Variants in RPP30 observed in about 807,000 individuals in gnomAD.
RPP30 encodes the protein ribonuclease P/MRP subunit p30.
A neutral mutation model predicts 38.6 loss-of-function variants in RPP30; 36 were observed. That is an observed-to-expected ratio of 0.93 (90% CI 0.71 to 1.23). The LOEUF is 1.23. RPP30 is among the 50% of genes most tolerant of loss of function. RPP30 has a pLI of 0.00. For synonymous variants in RPP30, 126 were observed against 112.7 expected (o/e 1.12, Z -0.75); for missense variants, 321 against 321.7 (o/e 1.00, Z 0.02).
At chr10:90,895,951 G>A (rs1165073394) in intron 9 of RPP30, 34 bp downstream of exon 9, 1 of 1,544,900 alleles carries the variant, frequency 6.5e-7, no homozygotes, top group African/African-American at 1.4e-5. Flanking sequence ...TGTTGACATT[G>A]TCTTTCAGGA....
downstream of RPP30, among the ~76,000 whole-genome samples, chr10:90,907,001 T>G (rs1056695599): frequency 2.0e-5 from 3 of 152,220 alleles, no homozygotes; most frequent in Admixed American, 6.5e-5. Context: ...AACTAAGAGT[T>G]GTCTTAATTC....
chr10:90,888,588 T>G (rs1160472108), intron 6 of RPP30, among the ~76,000 whole-genome samples: 2 of 152,260 alleles, frequency 1.3e-5, no homozygotes, highest in African/African-American at 4.8e-5. Context: ...GGCCAAATTC[T>G]GCTCGTTGTT....
In RPP30 at chr10:90,887,284, G is replaced by GT. The variant is rs566909151; in HGVS notation, c.432+1386dup. On this transcript the variant is annotated intron_variant, in intron 6 of 10. Transcript: ENST00000371703. Reference sequence around the variant, plus strand: ...TGCCTGACCCACCCAATGGGGAAAAGTTTAAGTTAGCTTATGTTCTACCCC... The same window carrying GT: ...TGCCTGACCCACCCAATGGGGAAAAGTTTTAAGTTAGCTTATGTTCTACCCC... 2.2e-3 allele frequency among the ~76,000 whole-genome samples: 335 copies of GT among 151,974 alleles called. 1 individual carries two copies. The highest frequency in any genetic ancestry group is 0.01 in the Middle Eastern group (3 of 294).
chr10:90,895,783 T>A (rs1847132476), intron 8 of RPP30, 97 bp from the exon 9 acceptor site: 2 of 891,434 alleles, frequency 2.2e-6, no homozygotes, highest in Non-Finnish European at 3.4e-6. Context: ...GTAATTTTTT[T>A]ATTTTTGGAT....
chr10:90,902,093 G>T lies in RPP30; in HGVS notation c.*1414G>T, dbSNP rs980832695. Reference sequence around the variant, plus strand: ...ATTACAGGCGTTAGCCACTGCGCCCGGCCCGAGAAAATACAGTTTTAAAAA... The same window carrying T: ...ATTACAGGCGTTAGCCACTGCGCCCTGCCCGAGAAAATACAGTTTTAAAAA... On this transcript the variant is annotated 3_prime_UTR_variant, in exon 11 of 11. Transcript: ENST00000371703. 2.5e-5 allele frequency: 25 copies of T among 987,248 alleles called. No homozygotes were observed. In the African/African-American group the frequency reaches 4.4e-4, roughly 17 times the overall value. 61.2% of individuals were successfully genotyped at this position (987,248 alleles called of 1,614,324 possible).
chr10:90,877,493 A>G (rs772596945), intron 4 of RPP30, among the ~76,000 whole-genome samples: 2 of 152,056 alleles, frequency 1.3e-5, no homozygotes, highest in African/African-American at 2.4e-5. Context: ...ATGAAAGAGG[A>G]TGAGCTAGGA....
intron 10 of RPP30, 44 bp downstream of exon 10, chr10:90,896,436 G>A: frequency 2.0e-6 from 3 of 1,519,420 alleles, no homozygotes; most frequent in Non-Finnish European, 2.7e-6. Flanking sequence ...CATGTTAAAA[G>A]CAAGTCATTT....
intron 6 of RPP30, 43 bp from the exon 7 acceptor site, chr10:90,894,732 A>G: frequency 2.3e-6 from 3 of 1,320,482 alleles, no homozygotes; most frequent in Non-Finnish European, 3.3e-6. Flanking sequence ...GAAGTAGGCC[A>G]GTGCATGCTT....
Position 90,894,879 on chromosome 10 carries a change from C to A in RPP30, c.537C>A (p.Ile179=). 6.2e-7 allele frequency: 1 copy of A among 1,604,086 alleles called. No individual in the cohort carries two copies. The highest frequency in any genetic ancestry group is 1.1e-5 in the South Asian group (1 of 90,870). The part of the protein sequence containing the change: ...TISSALNLMQ[I]CKGKNVIISS... ...CCAGTGCCCTCAATTTGATGCAAAT[C>A]TGCAAAGGAAAGGTATGGTTCTATA... The change falls in exon 7 of 11, where the codon ATC becomes ATA. Residue 179 remains isoleucine, a synonymous_variant. Transcript: ENST00000371703.
At position 90,901,630 on chromosome 10, in the gene RPP30, C is replaced by T. The variant is rs766979301; in HGVS notation, c.*951C>T. On this transcript the variant is annotated 3_prime_UTR_variant, in exon 11 of 11. Coordinates refer to ENST00000371703, the MANE Select transcript of RPP30 (RefSeq NM_006413.5). The stretch of plus-strand genomic sequence containing the variant: ...AAAATAGCAAAGCATCGGACTGAAC[C>T]AACTTTGGAAATAATTTATTTTTAT... 7 of 984,736 alleles carry T rather than the reference C, an allele frequency of 7.1e-6. No homozygotes were observed. Among genetic ancestry groups the T allele is most frequent in the African/African-American group, 1.7e-5 (1 of 57,154 alleles). The allele number at this position is 984,736 out of a possible 1,614,324, so 61.0% of individuals were successfully genotyped here.
At chr10:90,886,620 ATTTGC>A (rs895034355) in intron 6 of RPP30, among the ~76,000 whole-genome samples, 14 of 152,124 alleles carry the variant, frequency 9.2e-5, no homozygotes, top group African/African-American at 3.4e-4. Context: ...GCTGTTAACT[ATTTGC>A]TTTGCCAGTC....
At position 90,900,569 on chromosome 10, in the gene RPP30, G is replaced by A; in HGVS notation, c.698-1G>A. On this transcript the variant is annotated splice_acceptor_variant, in intron 10 of 10. Coordinates refer to ENST00000371703, the MANE Select transcript of RPP30 (RefSeq NM_006413.5). LOFTEE classifies it high-confidence loss of function. Reference sequence around the variant, plus strand: ...CAGTGGTTTCCCTGTTTGTTTTACAGAAACTAGAAAAACTGCTTTTGGAAT... The same window carrying A: ...CAGTGGTTTCCCTGTTTGTTTTACAAAAACTAGAAAAACTGCTTTTGGAAT... 6.2e-7 allele frequency: 1 copy of A among 1,609,248 alleles called. No homozygotes were observed. The highest frequency in any genetic ancestry group is 8.5e-7 in the Non-Finnish European group (1 of 1,178,282).
At chr10:90,881,228 T>C (rs986063683) in intron 5 of RPP30, among the ~76,000 whole-genome samples, 2 of 152,240 alleles carry the variant, frequency 1.3e-5, no homozygotes, top group African/African-American at 4.8e-5. Flanking sequence ...CTTTAACTTT[T>C]ACGACAATCC....
At chr10:90,872,279 C>T (rs549572234) in intron 1 of RPP30, 42 of 585,878 alleles carry the variant, frequency 7.2e-5, no homozygotes, top group Middle Eastern at 3.4e-4. Context: ...CAGCTACTTT[C>T]CTGCAATGAG....
chr10:90,893,634 C>T (rs1847107227), intron 6 of RPP30, among the ~76,000 whole-genome samples: 1 of 152,198 alleles, frequency 6.6e-6, no homozygotes, highest in Admixed American at 6.5e-5. Flanking sequence ...TTTGACCTTC[C>T]CTACGTGCTG....
chr10:90,887,168 A>G (rs1401404159), intron 6 of RPP30, among the ~76,000 whole-genome samples: 2 of 151,662 alleles, frequency 1.3e-5, no homozygotes, highest in Non-Finnish European at 2.9e-5. Context: ...AGGTCTCACC[A>G]TGTTTCCCAG....
chr10:90,885,609 G>A (rs1846989994), intron 5 of RPP30, among the ~76,000 whole-genome samples: 1 of 152,184 alleles, frequency 6.6e-6, no homozygotes, highest in African/African-American at 2.4e-5. Flanking sequence ...TTCCGCTTTT[G>A]CTGGATTACA....
rs552942882 is a variant in RPP30, at chr10:90,890,258, G to A, written c.432+4357G>A. Among the ~76,000 whole-genome samples, 3 of 152,306 alleles carry A rather than the reference G, an allele frequency of 2.0e-5. No individual in the cohort carries two copies. In the South Asian group the frequency reaches 6.2e-4, roughly 32 times the overall value. Reference sequence around the variant, plus strand: ...AGTAATTTCATATTTTAAAACATGAGCTTTATGAATTCAGGTTGTGAGAAG... The same window carrying A: ...AGTAATTTCATATTTTAAAACATGAACTTTATGAATTCAGGTTGTGAGAAG... On this transcript the variant is annotated intron_variant, in intron 6 of 10. Coordinates refer to ENST00000371703, the MANE Select transcript of RPP30 (RefSeq NM_006413.5).
At chr10:90,896,524 C>T in intron 10 of RPP30, 132 bp downstream of exon 10, 2 of 632,594 alleles carry the variant, frequency 3.2e-6, no homozygotes, top group Non-Finnish European at 5.6e-6. Context: ...GTTCTAAACA[C>T]AGTCATCAGT....
Sources: allele counts gnomAD v4.1 joint callset (sites outside exome capture counted in the v4.1 genomes callset), GRCh38; gene constraint gnomAD v4.1.1; transcripts MANE v1.5; gene names NCBI Gene and HGNC (gene_info 2026-07-23, HGNC 2026-07-21).